ARHGAP22: variants seen among roughly 807,000 people sequenced by gnomAD.
The protein encoded by ARHGAP22 is Rho GTPase activating protein 22, also known as rho GTPase-activating protein 22.
Under a neutral mutation model 59.1 loss-of-function variants are expected in ARHGAP22, and 48 were observed. That is an observed-to-expected ratio of 0.81 (90% confidence interval 0.64 to 1.03). The LOEUF is 1.03. ARHGAP22 is among the 50% of genes least tolerant of loss of function. ARHGAP22 has a pLI of 0.00. For missense variants in ARHGAP22, 1,015 were observed against 958.7 expected, an observed-to-expected ratio of 1.06 and a Z score of -0.78; for synonymous variants, 445 against 416.4, an observed-to-expected ratio of 1.07 and a Z score of -0.84.
At chr10:48,574,464 C>A (rs1309176921) in intron 2 of ARHGAP22, among the ~76,000 whole-genome samples, 1 of 152,170 alleles carries the variant, frequency 6.6e-6, no homozygotes, top group East Asian at 1.9e-4. Context: ...GCAGTGACAT[C>A]CTCTTGGCTG....
intron 3 of ARHGAP22, among the ~76,000 whole-genome samples, chr10:48,517,614 C>T (rs1189552477): frequency 1.3e-5 from 2 of 152,134 alleles, no homozygotes; most frequent in Non-Finnish European, 2.9e-5. Flanking sequence ...GGATTGGTTC[C>T]TCTCTGGAGC....
chr10:48,537,597 C>A (rs1467931913), intron 3 of ARHGAP22, among the ~76,000 whole-genome samples: 1 of 152,164 alleles, frequency 6.6e-6, no homozygotes, highest in Non-Finnish European at 1.5e-5. Context: ...CTGCCAAGGG[C>A]CTGCAAAGGT....
intron 3 of ARHGAP22, among the ~76,000 whole-genome samples, chr10:48,519,577 T>C (rs1272215682): frequency 3.3e-5 from 5 of 152,238 alleles, no homozygotes; most frequent in Non-Finnish European, 7.3e-5. Flanking sequence ...GTACAGATTC[T>C]GTGCTAGTGT....
chr10:48,438,089 T>C, the ARHGAP22 span: 1 of 152,268 alleles, frequency 6.6e-6, no homozygotes, highest in Non-Finnish European at 1.5e-5. Context: ...ATTTTGAGGT[T>C]AGAACATAGA....
At chr10:48,541,081 C>G (rs1391228050) in intron 3 of ARHGAP22, among the ~76,000 whole-genome samples, 1 of 152,054 alleles carries the variant, frequency 6.6e-6, no homozygotes, top group Non-Finnish European at 1.5e-5. Flanking sequence ...GTATTTCCAC[C>G]AAGCTCCCAG....
At chr10:48,551,032 A>G (rs935265) in intron 3 of ARHGAP22, among the ~76,000 whole-genome samples, 90,303 of 152,034 alleles carry the variant, frequency 0.59, 28,134 homozygotes, top group East Asian at 0.98. Context: ...TGGCATAGAT[A>G]GGGGTTGCTT....
At chr10:48,512,567 A>T (rs2052888888) in intron 3 of ARHGAP22, among the ~76,000 whole-genome samples, 1 of 152,214 alleles carries the variant, frequency 6.6e-6, no homozygotes, top group Admixed American at 6.5e-5. Flanking sequence ...AATAATAATC[A>T]TTTCCATTTT....
chr10:48,541,722 G>T (rs937802550), intron 3 of ARHGAP22, among the ~76,000 whole-genome samples: 4 of 152,312 alleles, frequency 2.6e-5, no homozygotes, highest in Admixed American at 6.5e-5. Context: ...AAGCCAAGCT[G>T]GTCCAGGCAG....
chr10:48,492,007 C>T (rs2050445907), intron 3 of ARHGAP22, among the ~76,000 whole-genome samples: 1 of 152,206 alleles, frequency 6.6e-6, no homozygotes, highest in Non-Finnish European at 1.5e-5. Flanking sequence ...AGCTCCTGAA[C>T]TTAAGGATTT....
At chr10:48,598,242 G>T (rs2060183729) in intron 1 of ARHGAP22, among the ~76,000 whole-genome samples, 1 of 152,210 alleles carries the variant, frequency 6.6e-6, no homozygotes. Context: ...AGGGTTGGTG[G>T]GGGAAGAGGC....
chr10:48,567,232 G>A (rs1287184740), intron 2 of ARHGAP22, among the ~76,000 whole-genome samples: 4 of 152,238 alleles, frequency 2.6e-5, no homozygotes, highest in Non-Finnish European at 5.9e-5. Flanking sequence ...AGAAGACCCT[G>A]TGGTTGAGGC....
chr10:48,565,779 A>T (rs779936358), intron 2 of ARHGAP22, among the ~76,000 whole-genome samples: 28 of 152,200 alleles, frequency 1.8e-4, no homozygotes, highest in Admixed American at 1.3e-4. Flanking sequence ...ATAAATATGA[A>T]TTATCATAAT....
chr10:48,644,401 G>C (rs940947145), intron 1 of ARHGAP22, among the ~76,000 whole-genome samples: 1 of 152,246 alleles, frequency 6.6e-6, no homozygotes, highest in Admixed American at 6.5e-5. Context: ...CAACTATATA[G>C]AAGTCTTGAA....
chr10:48,471,927 G>A (rs2133968999), intron 4 of ARHGAP22, among the ~76,000 whole-genome samples: 1 of 152,296 alleles, frequency 6.6e-6, no homozygotes, highest in South Asian at 2.1e-4. Context: ...ACAGCAGCTG[G>A]GCCAGGTGCG....
chr10:48,474,525 G>GA (rs2048523417), intron 4 of ARHGAP22, among the ~76,000 whole-genome samples: 1 of 152,102 alleles, frequency 6.6e-6, no homozygotes, highest in Non-Finnish European at 1.5e-5. Context: ...GATCTTGGAG[G>GA]AAAATTAGCC....
At chr10:48,641,551 A>T (rs1468202083) in intron 1 of ARHGAP22, among the ~76,000 whole-genome samples, 1 of 152,258 alleles carries the variant, frequency 6.6e-6, no homozygotes, top group Non-Finnish European at 1.5e-5. Context: ...ACAGCCCTTC[A>T]TACTAAAAAC....
intron 1 of ARHGAP22, among the ~76,000 whole-genome samples, chr10:48,645,499 C>T (rs910049206): frequency 6.6e-6 from 1 of 152,118 alleles, no homozygotes; most frequent in Non-Finnish European, 1.5e-5. Context: ...ATCTATTACA[C>T]ATCTATATAT....
intron 1 of ARHGAP22, among the ~76,000 whole-genome samples, chr10:48,632,157 A>G (rs1034847568): frequency 1.3e-5 from 2 of 152,190 alleles, no homozygotes; most frequent in African/African-American, 2.4e-5. Context: ...AGTCCATTAT[A>G]TAATTCTTAC....
chr10:48,463,629 G>A (rs994100621), intron 4 of ARHGAP22, among the ~76,000 whole-genome samples: 1 of 152,166 alleles, frequency 6.6e-6, no homozygotes, highest in African/African-American at 2.4e-5. Context: ...CTTCGGTCTG[G>A]GCAAATTTCC....
Sources: gnomAD v4.1 joint callset for allele counts (sites outside exome capture counted in the v4.1 genomes callset) on GRCh38, gnomAD v4.1.1 for gene constraint, MANE v1.5 for transcripts, NCBI Gene and HGNC (gene_info 2026-07-23, HGNC 2026-07-21) for gene names.